XRN1: variants seen among roughly 807,000 people sequenced by gnomAD.
The protein encoded by XRN1 is strand-exchange protein 1 homolog.
XRN1 carries 67 observed loss-of-function variants against 222.3 expected under a neutral mutation model. The ratio of observed to expected loss-of-function variants is 0.30; its 90% CI spans 0.25 to 0.37. The LOEUF (loss-of-function observed/expected upper bound fraction) is 0.37. XRN1 is among the 10% of genes least tolerant of loss of function. The pLI is 1.00. For missense variants in XRN1, 1,707 were observed against 2,000.2 expected (o/e 0.85, Z 2.80); for synonymous variants, 643 against 652.4 (o/e 0.99, Z 0.22).
chr3:142,423,611 T>C lies in XRN1; in HGVS notation c.659A>G (p.His220Arg). Residue 220 changes from histidine (H) to arginine (R), a missense_variant, in exon 6 of 41, where the codon CAT becomes CGT. His to Arg is a conservative substitution (Grantham distance 29). This residue lies in a region of XRN1 where 1,234 missense variants were observed against 1,518.2 expected (regional missense o/e 0.81). Transcript: ENST00000392981. ...AACTTCTTCTCTTAAGAGAGAAAAA[T>C]GTGCCTCATGACTTGTTAATCCAAG... is the stretch of plus-strand genomic sequence containing the variant. Reference protein sequence around the residue: ...IMLGLTSHEAHFSLLREEVRF... With the variant: ...IMLGLTSHEARFSLLREEVRF... 1 of 1,601,018 alleles carries C rather than the reference T, an allele frequency of 6.2e-7. No individual in the cohort carries two copies. The highest frequency in any genetic ancestry group is 8.5e-7 in the Non-Finnish European group (1 of 1,175,294).
rs749309289 is a variant in XRN1, at chr3:142,419,808, C to CA, written c.1174-928dup. Among the ~76,000 whole-genome samples the CA allele has an allele frequency of 3.8e-3, 421 of 111,836 alleles. 1 individual carries two copies. Among genetic ancestry groups the CA allele is most frequent in the African/African-American group, 8.5e-3 (264 of 30,954 alleles). 73.4% of individuals were successfully genotyped at this position (111,836 alleles called of 152,430 possible). A position where few individuals can be genotyped will look rare whatever the true frequency, so the allele number is the denominator to read the frequency against. On this transcript the variant is annotated intron_variant, in intron 10 of 40. Coordinates refer to ENST00000392981, the MANE Select transcript of XRN1 (RefSeq NM_001282857.2). ...GAGTGACAGAGTGACATGCTGTCTC[C>CA]AAAAAAAAAAAAAAGAAACTCAGCA...
intron 2 of XRN1, among the ~76,000 whole-genome samples, chr3:142,431,606 G>A (rs2108153624): frequency 6.6e-6 from 1 of 151,116 alleles, no homozygotes. Context: ...CACCTGAGGT[G>A]AGGAGTTTGA....
intron 31 of XRN1, among the ~76,000 whole-genome samples, chr3:142,356,081 TA>T (rs2066459219): frequency 6.6e-6 from 1 of 152,190 alleles, no homozygotes; most frequent in Non-Finnish European, 1.5e-5. Flanking sequence ...ACAAACACTA[TA>T]AAAGATTATA....
At chr3:142,443,415 G>C (rs1181583809) in intron 1 of XRN1, among the ~76,000 whole-genome samples, 2 of 151,566 alleles carry the variant, frequency 1.3e-5, no homozygotes, top group Non-Finnish European at 3.0e-5. Flanking sequence ...CTTTAAACAC[G>C]GGGCTTGCAA....
chr3:142,416,948 G>A (rs151285327), intron 13 of XRN1, among the ~76,000 whole-genome samples, 192 bp downstream of exon 13: 127 of 144,550 alleles, frequency 8.8e-4, no homozygotes, highest in African/African-American at 3.0e-3. Context: ...AGAATTGCTT[G>A]AACCCAGGAG....
chr3:142,370,808 A>G (rs573648441), intron 26 of XRN1, among the ~76,000 whole-genome samples, 188 bp from the exon 27 acceptor site: 5 of 152,198 alleles, frequency 3.3e-5, no homozygotes, highest in Non-Finnish European at 7.3e-5. Flanking sequence ...ATTAGTTTAA[A>G]AGTATTTGTT....
In XRN1 at chr3:142,311,896, T is replaced by A. The variant is rs574206030; in HGVS notation, c.4783-83A>T. On this transcript the variant is annotated intron_variant, in intron 40 of 40. Transcript: ENST00000392981. ...GGAAATTACCATAAACCATGCATGC[T>A]GTTAATATTTGTCAATCACAGCTGA... 2.0e-5 allele frequency: 27 copies of A among 1,339,926 alleles called. No homozygotes were observed. In the East Asian group the frequency reaches 5.6e-4, roughly 28 times the overall value. 83.0% of individuals were successfully genotyped at this position (1,339,926 alleles called of 1,614,324 possible). A position where few individuals can be genotyped will look rare whatever the true frequency, so the allele number is the denominator to read the frequency against.
chr3:142,334,847 T>G (rs2065808364), intron 34 of XRN1, among the ~76,000 whole-genome samples: 1 of 151,634 alleles, frequency 6.6e-6, no homozygotes, highest in African/African-American at 2.4e-5. Flanking sequence ...TTAATTTTTT[T>G]TTTTTTTTGA....
At chr3:142,442,963 G>A (rs1431756930) in intron 1 of XRN1, among the ~76,000 whole-genome samples, 1 of 152,122 alleles carries the variant, frequency 6.6e-6, no homozygotes, top group East Asian at 1.9e-4. Context: ...TCAATCTCCT[G>A]ACCTCGTGAT....
At chr3:142,383,448 A>G in intron 21 of XRN1, 35 bp from the exon 22 acceptor site, 10 of 1,535,234 alleles carry the variant, frequency 6.5e-6, no homozygotes, top group Non-Finnish European at 8.9e-6. Context: ...CTTAGTCATA[A>G]TTTCTATAGA....
intron 1 of XRN1, among the ~76,000 whole-genome samples, chr3:142,445,035 G>C (rs1475228542): frequency 6.6e-6 from 1 of 151,884 alleles, no homozygotes; most frequent in Non-Finnish European, 1.5e-5. Flanking sequence ...TCTTTTTCAG[G>C]CACCTCTACT....
intron 25 of XRN1, among the ~76,000 whole-genome samples, chr3:142,374,905 T>C (rs2067096073): frequency 6.6e-6 from 1 of 152,128 alleles, no homozygotes; most frequent in Admixed American, 6.6e-5. Flanking sequence ...CTGACTGGTG[T>C]TCTTACAAAA....
At chr3:142,341,300 A>C (rs2065987321) in intron 33 of XRN1, among the ~76,000 whole-genome samples, 1 of 152,154 alleles carries the variant, frequency 6.6e-6, no homozygotes, top group Non-Finnish European at 1.5e-5. Context: ...CAGATACACA[A>C]AAAATAAAAA....
intron 32 of XRN1, among the ~76,000 whole-genome samples, chr3:142,353,215 T>A (rs2066363928): frequency 6.6e-6 from 1 of 152,156 alleles, no homozygotes. Flanking sequence ...TTACTATGAC[T>A]TCGTAAATAA....
At chr3:142,341,136 A>AATATTATT (rs2065981076) in intron 33 of XRN1, among the ~76,000 whole-genome samples, 1 of 152,162 alleles carries the variant, frequency 6.6e-6, no homozygotes, top group African/African-American at 2.4e-5. Flanking sequence ...GAAACAGCAA[A>AATATTATT]ATATTATTAA....
chr3:142,346,482 CCT>C (rs1196035408), intron 33 of XRN1, among the ~76,000 whole-genome samples: 2 of 151,412 alleles, frequency 1.3e-5, no homozygotes, highest in African/African-American at 2.4e-5. Flanking sequence ...ACACAATCAT[CCT>C]CTTTTTTTTT....
intron 13 of XRN1, 26 bp downstream of exon 13, chr3:142,417,114 C>G: frequency 6.5e-7 from 1 of 1,550,334 alleles, no homozygotes; most frequent in Non-Finnish European, 8.8e-7. Context: ...AAAGACAAAA[C>G]TTTATTTTTG....
chr3:142,314,016 G>C (rs753206839), intron 39 of XRN1, among the ~76,000 whole-genome samples: 3 of 152,168 alleles, frequency 2.0e-5, no homozygotes, highest in Non-Finnish European at 2.9e-5. Context: ...CTATTTAAAA[G>C]ATGCTATGCT....
At chr3:142,345,179 T>C (rs752520875) in intron 33 of XRN1, among the ~76,000 whole-genome samples, 69 of 152,176 alleles carry the variant, frequency 4.5e-4, no homozygotes, top group Admixed American at 2.9e-3. Context: ...CAAGCAATCC[T>C]CCTGCCTCAG....
Sources: allele counts gnomAD v4.1 joint callset (sites outside exome capture counted in the v4.1 genomes callset), GRCh38; gene constraint gnomAD v4.1.1; regional missense constraint gnomAD v4.1.1; transcripts MANE v1.5; gene names NCBI Gene and HGNC (gene_info 2026-07-23, HGNC 2026-07-21).